Variants in GRM7 observed in about 807,000 individuals in gnomAD.
GRM7 encodes the protein glutamate metabotropic receptor 7.
Under a neutral mutation model 84.5 loss-of-function variants are expected in GRM7, and 35 were observed. The observed-to-expected ratio is 0.41, with a 90% CI of 0.32 to 0.55. GRM7 has a LOEUF of 0.55. GRM7 is among the 20% of genes least tolerant of loss of function. The probability of loss-of-function intolerance (pLI) is 0.19; values close to 1 mark genes in which losing one functional copy is unlikely to be tolerated. For synonymous variants in GRM7, 487 were observed against 455.1 expected (o/e 1.07, Z -0.89); for missense variants, 1,003 against 1,194.6 (o/e 0.84, Z 2.36).
chr3:7,577,826 T>G (rs528802542), intron 7 of GRM7, among the ~76,000 whole-genome samples: 1 of 152,332 alleles, frequency 6.6e-6, no homozygotes, highest in African/African-American at 2.4e-5. Context: ...AGATTCACAT[T>G]GCTGCAAAAG....
chr3:7,523,773 G>C (rs1700687272), intron 7 of GRM7, among the ~76,000 whole-genome samples: 1 of 152,084 alleles, frequency 6.6e-6, no homozygotes, highest in Non-Finnish European at 1.5e-5. Context: ...TTAGCATATA[G>C]GTGGATCGGG....
intron 1 of GRM7, among the ~76,000 whole-genome samples, chr3:6,866,058 A>G (rs1694928212): frequency 6.6e-6 from 1 of 152,206 alleles, no homozygotes; most frequent in Non-Finnish European, 1.5e-5. Context: ...AGACATCTCC[A>G]TGTGTATTTC....
At chr3:7,631,703 G>A (rs1383646028) in intron 8 of GRM7, among the ~76,000 whole-genome samples, 1 of 152,100 alleles carries the variant, frequency 6.6e-6, no homozygotes, top group Non-Finnish European at 1.5e-5. Context: ...AACATCCCAG[G>A]TCTTCACCTA....
chr3:6,867,197 T>G (rs560933778), intron 1 of GRM7, among the ~76,000 whole-genome samples: 1 of 152,230 alleles, frequency 6.6e-6, no homozygotes, highest in Non-Finnish European at 1.5e-5. Context: ...GAAAGCATTA[T>G]AGCAAAAGCA....
chr3:7,446,368 T>A (rs565973289), intron 5 of GRM7, among the ~76,000 whole-genome samples: 1 of 152,334 alleles, frequency 6.6e-6, no homozygotes, highest in East Asian at 1.9e-4. Context: ...GTAAACATCT[T>A]TGATTTGTTT....
chr3:7,048,795 A>G (rs1696888627), intron 1 of GRM7, among the ~76,000 whole-genome samples: 1 of 151,972 alleles, frequency 6.6e-6, no homozygotes, highest in Non-Finnish European at 1.5e-5. Flanking sequence ...TATAGTCACC[A>G]TGCTGTACAA....
At chr3:7,096,910 A>G (rs930105355) in intron 1 of GRM7, among the ~76,000 whole-genome samples, 3 of 152,186 alleles carry the variant, frequency 2.0e-5, no homozygotes, top group South Asian at 2.1e-4. Context: ...AAATCATTAC[A>G]TAGTTGTGAA....
intron 4 of GRM7, among the ~76,000 whole-genome samples, chr3:7,323,825 A>G (rs1559235699): frequency 6.6e-6 from 1 of 152,190 alleles, no homozygotes; most frequent in Non-Finnish European, 1.5e-5. Flanking sequence ...TATGCCAGGT[A>G]TTATGAAATG....
chr3:7,664,128 C>T (rs1168224140), intron 8 of GRM7, among the ~76,000 whole-genome samples: 1 of 152,146 alleles, frequency 6.6e-6, no homozygotes, highest in Non-Finnish European at 1.5e-5. Flanking sequence ...GTAAAATGGT[C>T]ATTTCTTTAA....
At chr3:7,429,678 C>G (rs928448941) in intron 5 of GRM7, among the ~76,000 whole-genome samples, 2 of 151,726 alleles carry the variant, frequency 1.3e-5, no homozygotes, top group Non-Finnish European at 2.9e-5. Flanking sequence ...AGTGGCTTGC[C>G]GAAAAGTCAC....
chr3:7,699,949 C>T (rs1278199674), intron 9 of GRM7, among the ~76,000 whole-genome samples: 3 of 152,082 alleles, frequency 2.0e-5, no homozygotes, highest in African/African-American at 7.2e-5. Flanking sequence ...TAAGCTGCCT[C>T]GTCTGTCAAC....
chr3:7,438,451 A>T (rs1697148744), intron 5 of GRM7, among the ~76,000 whole-genome samples: 1 of 152,022 alleles, frequency 6.6e-6, no homozygotes, highest in African/African-American at 2.4e-5. Flanking sequence ...TGGCTCATTC[A>T]AAAGGAATTA....
At chr3:6,881,355 T>C (rs1184817025) in intron 1 of GRM7, among the ~76,000 whole-genome samples, 2 of 152,286 alleles carry the variant, frequency 1.3e-5, no homozygotes, top group East Asian at 3.9e-4. Flanking sequence ...TGTGTTCTCA[T>C]TGTTCAGCTC....
chr3:7,255,595 T>C (rs575102996), intron 2 of GRM7, among the ~76,000 whole-genome samples: 4 of 152,300 alleles, frequency 2.6e-5, no homozygotes, highest in African/African-American at 7.2e-5. Context: ...AAATCCAAAA[T>C]GACCTAAAAA....
chr3:7,201,556 G>C (rs1024523419), intron 2 of GRM7, among the ~76,000 whole-genome samples: 1 of 152,146 alleles, frequency 6.6e-6, no homozygotes, highest in Non-Finnish European at 1.5e-5. Context: ...AACGCTGATA[G>C]TAATGGCCAT....
chr3:7,532,529 G>A (rs1321681745), intron 7 of GRM7, among the ~76,000 whole-genome samples: 1 of 151,426 alleles, frequency 6.6e-6, no homozygotes, highest in East Asian at 1.9e-4. Flanking sequence ...TTATTAGTCT[G>A]GCTAGCAGTC....
At position 6,863,751 on chromosome 3, in the gene GRM7, G is replaced by C. The variant is rs1694844479; in HGVS notation, c.519+1844G>C. On this transcript the variant is annotated intron_variant, in intron 1 of 9. Transcript: ENST00000357716. This position sits in a 1 kb window ranked among gnomAD's most constrained non-coding sequence, Gnocchi z 4.8. ...CCACTGGGGGCTGGGGTAGGTTACA[G>C]TGTTTTCCCTGTTAGCCTGTGGGGT... Among the ~76,000 whole-genome samples the C allele has an allele frequency of 1.3e-5, 2 of 152,194 alleles. No individual in the cohort carries two copies. Among genetic ancestry groups the C allele is most frequent in the African/African-American group, 4.8e-5 (2 of 41,448 alleles).
intron 9 of GRM7, among the ~76,000 whole-genome samples, chr3:7,709,595 G>T (rs1275904291): frequency 6.6e-6 from 1 of 152,120 alleles, no homozygotes; most frequent in Non-Finnish European, 1.5e-5. Flanking sequence ...TCAACCACAA[G>T]TTCCCCATCA....
At chr3:7,125,704 G>T (rs577733812) in intron 1 of GRM7, among the ~76,000 whole-genome samples, 6 of 152,174 alleles carry the variant, frequency 3.9e-5, no homozygotes, top group Admixed American at 2.0e-4. Context: ...CTTTAGAAGG[G>T]ATATTTTGCA....
Sources: gnomAD v4.1 joint callset for allele counts (sites outside exome capture counted in the v4.1 genomes callset) on GRCh38, gnomAD v4.1.1 for gene constraint, Gnocchi (gnomAD v3.1) non-coding constraint, MANE v1.5 for transcripts, NCBI Gene and HGNC (gene_info 2026-07-23, HGNC 2026-07-21) for gene names.